Variants in UST observed in about 807,000 individuals in gnomAD.
UST encodes uronyl 2-sulfotransferase.
A neutral mutation model predicts 45.6 loss-of-function variants in UST; 21 were observed. That is an observed-to-expected ratio of 0.46 (90% CI 0.33 to 0.66). The LOEUF is 0.66. Among genes scored for constraint, UST ranks in the 30% least tolerant of loss-of-function variants. The pLI is 0.02. For synonymous variants in UST, 215 were observed against 200.6 expected (o/e 1.07, Z -0.61); for missense variants, 463 against 512.4 (o/e 0.90, Z 0.93).
Position 148,757,318 on chromosome 6 carries a change from T to C in UST, c.247+9641T>C, listed in dbSNP as rs181207325. On this transcript the variant is annotated intron_variant, in intron 1 of 7. Coordinates refer to ENST00000367463, the MANE Select transcript of UST (RefSeq NM_005715.3). The stretch of plus-strand genomic sequence containing the variant: ...AGTTAGAATGCAAACTTCTTGTTAC[T>C]TGTCATTTTCTGAAATCCTAGACCA... Among the ~76,000 whole-genome samples, 480 of 152,386 alleles carry C rather than the reference T, an allele frequency of 3.1e-3. 3 individuals are homozygous for C. Among genetic ancestry groups the C allele is most frequent in the African/African-American group, 0.011 (449 of 41,586 alleles).
At chr6:148,989,568 A>G (rs571056291) in intron 5 of UST, among the ~76,000 whole-genome samples, 3 of 152,358 alleles carry the variant, frequency 2.0e-5, no homozygotes, top group Non-Finnish European at 4.4e-5. Context: ...TAACAGAAGT[A>G]TCTGTTCTAC....
chr6:148,860,572 C>T (rs1179395810), intron 1 of UST, among the ~76,000 whole-genome samples: 2 of 152,172 alleles, frequency 1.3e-5, no homozygotes, highest in Non-Finnish European at 2.9e-5. Flanking sequence ...CTGTCTTGTG[C>T]CAGTTTTCAA....
chr6:148,776,595 G>A (rs930417978), intron 1 of UST, among the ~76,000 whole-genome samples: 12 of 152,280 alleles, frequency 7.9e-5, no homozygotes, highest in African/African-American at 2.6e-4. Context: ...AAAACATACT[G>A]TAAGGCCTTA....
At chr6:148,857,236 C>T (rs546795816) in intron 1 of UST, among the ~76,000 whole-genome samples, 121 of 152,246 alleles carry the variant, frequency 7.9e-4, no homozygotes, top group African/African-American at 2.8e-3. Context: ...AGGAGAGCCA[C>T]AGCTACTCTC....
intron 7 of UST, among the ~76,000 whole-genome samples, chr6:149,057,685 TAAA>T (rs1776587613): frequency 6.6e-6 from 1 of 152,136 alleles, no homozygotes; most frequent in Admixed American, 6.5e-5. Context: ...ATGGAGCATA[TAAA>T]AACACATTGC....
chr6:149,030,630 T>C (rs1250564297), intron 7 of UST, among the ~76,000 whole-genome samples: 2 of 152,120 alleles, frequency 1.3e-5, no homozygotes, highest in Non-Finnish European at 2.9e-5. Flanking sequence ...TTGCTATTGG[T>C]TCATTTACCA....
intron 1 of UST, among the ~76,000 whole-genome samples, chr6:148,802,841 C>T (rs747738015): frequency 3.3e-5 from 5 of 152,084 alleles, no homozygotes; most frequent in East Asian, 3.9e-4. Context: ...TTGAGCAGAA[C>T]GGTAGACCCA....
chr6:148,868,792 G>A (rs937019017), intron 1 of UST, among the ~76,000 whole-genome samples: 3 of 152,112 alleles, frequency 2.0e-5, no homozygotes, highest in Non-Finnish European at 4.4e-5. Flanking sequence ...AGCGTAACAA[G>A]GGCTACATCT....
chr6:148,779,745 A>C (rs1428930644), intron 1 of UST, among the ~76,000 whole-genome samples: 2 of 152,222 alleles, frequency 1.3e-5, no homozygotes, highest in Admixed American at 6.5e-5. Flanking sequence ...AGTTTACAGA[A>C]TAGTGAATTA....
At chr6:148,846,776 C>T (rs571530796) in intron 1 of UST, among the ~76,000 whole-genome samples, 20 of 152,342 alleles carry the variant, frequency 1.3e-4, no homozygotes, top group African/African-American at 4.6e-4. Flanking sequence ...ATTGTAGAAA[C>T]AGTTGTCAAA....
At chr6:148,968,454 T>C (rs147944989) in intron 5 of UST, among the ~76,000 whole-genome samples, 130 of 152,354 alleles carry the variant, frequency 8.5e-4, no homozygotes, top group African/African-American at 2.2e-3. Context: ...TGTCCAGAGC[T>C]GGAAGCTCCC....
chr6:148,855,902 C>T (rs190591477), intron 1 of UST, among the ~76,000 whole-genome samples: 26 of 152,212 alleles, frequency 1.7e-4, no homozygotes, highest in African/African-American at 6.3e-4. Flanking sequence ...GCACCTGGAC[C>T]TGACAAAAAA....
chr6:148,958,133 G>A (rs1780561418), intron 4 of UST, among the ~76,000 whole-genome samples: 1 of 152,134 alleles, frequency 6.6e-6, no homozygotes, highest in Admixed American at 6.5e-5. Flanking sequence ...CTTGAGTCAT[G>A]TACAATGCGA....
intron 1 of UST, among the ~76,000 whole-genome samples, chr6:148,815,009 G>C (rs1465121520): frequency 6.6e-6 from 1 of 152,146 alleles, no homozygotes; most frequent in Admixed American, 6.5e-5. Flanking sequence ...AATAATAAAA[G>C]ATTGAAAGCA....
At chr6:148,944,508 TACACACACACACAC>T (rs10663979) in intron 3 of UST, among the ~76,000 whole-genome samples, 96 of 142,632 alleles carry the variant, frequency 6.7e-4, no homozygotes, top group African/African-American at 2.3e-3. Context: ...GTTGTGATCA[TACACACACACACAC>T]ACACACACAC....
chr6:148,963,473 T>C (rs1290397413), intron 4 of UST, among the ~76,000 whole-genome samples: 1 of 151,758 alleles, frequency 6.6e-6, no homozygotes, highest in Admixed American at 6.5e-5. Context: ...ATCTCATCAC[T>C]CTGCTTCGGG....
At chr6:148,888,154 A>G (rs1029604357) in intron 2 of UST, among the ~76,000 whole-genome samples, 5 of 152,174 alleles carry the variant, frequency 3.3e-5, no homozygotes, top group African/African-American at 1.2e-4. Context: ...GGTGGAAGGC[A>G]GAGAGGAAGC....
intron 1 of UST, among the ~76,000 whole-genome samples, chr6:148,839,027 C>T (rs561180089): frequency 1.3e-5 from 2 of 152,224 alleles, no homozygotes; most frequent in Admixed American, 6.5e-5. Context: ...CATTGAGTAC[C>T]TACTATATTT....
chr6:148,826,463 G>C (rs1316828128), intron 1 of UST, among the ~76,000 whole-genome samples: 1 of 151,800 alleles, frequency 6.6e-6, no homozygotes, highest in African/African-American at 2.4e-5. Flanking sequence ...AACTACATAG[G>C]TTATAGAATA....
Sources: allele counts gnomAD v4.1 joint callset (sites outside exome capture counted in the v4.1 genomes callset), GRCh38; gene constraint gnomAD v4.1.1; transcripts MANE v1.5; gene names NCBI Gene and HGNC (gene_info 2026-07-23, HGNC 2026-07-21).